RPS6KA2: variants seen among roughly 807,000 people sequenced by gnomAD.
RPS6KA2 encodes ribosomal protein S6 kinase alpha-2.
In RPS6KA2, 42 loss-of-function variants were observed where a neutral mutation model predicts 91.8. The ratio of observed to expected loss-of-function variants is 0.46; its 90% CI spans 0.36 to 0.59. The LOEUF is 0.59. Ranked by LOEUF, RPS6KA2 falls within the 20% of genes least tolerant of loss-of-function variation. The pLI is 0.00. For synonymous variants in RPS6KA2, 414 were observed against 393.6 expected (o/e 1.05, Z -0.61); for missense variants, 798 against 978.5 (o/e 0.82, Z 2.46).
intron 1 of RPS6KA2, among the ~76,000 whole-genome samples, chr6:166,569,281 G>A (rs909478869): frequency 6.6e-6 from 1 of 152,214 alleles, no homozygotes; most frequent in Non-Finnish European, 1.5e-5. Context: ...TCCATGGCGG[G>A]TTTTCTTCTG....
Position 166,855,186 on chromosome 6 carries a change from C to T in RPS6KA2, c.123+3014G>A, listed in dbSNP as rs78354262. ...AACACTGGGCTACAAAAGGTGGGAGCGTGGGAGTGGGGGCGAGGATGAAAA... is the reference window on the plus strand; with the variant it reads ...AACACTGGGCTACAAAAGGTGGGAGTGTGGGAGTGGGGGCGAGGATGAAAA... On this transcript the variant is annotated intron_variant, in intron 2 of 21. Coordinates refer to the RPS6KA2 transcript ENST00000503859. Among the ~76,000 whole-genome samples the T allele has an allele frequency of 1.6e-4, 25 of 152,140 alleles. No individual in the cohort carries two copies. The East Asian group carries it at 4.0e-3, about 25-fold the overall frequency.
intron 2 of RPS6KA2, among the ~76,000 whole-genome samples, chr6:166,690,385 TAC>T (rs1562385214): frequency 6.6e-6 from 1 of 151,974 alleles, no homozygotes; most frequent in Non-Finnish European, 1.5e-5. Flanking sequence ...AATACGGAAA[TAC>T]AGACATGTCA....
chr6:166,679,859 G>A (rs1251576807), intron 2 of RPS6KA2, among the ~76,000 whole-genome samples: 1 of 152,236 alleles, frequency 6.6e-6, no homozygotes, highest in East Asian at 1.9e-4. Context: ...CAGCGCGGTT[G>A]GCCAGCGCCT....
chr6:166,675,291 G>C (rs1788585735), intron 2 of RPS6KA2, among the ~76,000 whole-genome samples: 1 of 152,118 alleles, frequency 6.6e-6, no homozygotes, highest in South Asian at 2.1e-4. Context: ...CTTCCCAGTG[G>C]GGAAGCCCCT....
At chr6:166,416,628 C>T (rs1052406787) in intron 19 of RPS6KA2, among the ~76,000 whole-genome samples, 1 of 151,816 alleles carries the variant, frequency 6.6e-6, no homozygotes, top group African/African-American at 2.4e-5. Context: ...CCTCCACCAT[C>T]AGCTCCATCC....
chr6:166,569,832 T>A (rs894837882), intron 1 of RPS6KA2, among the ~76,000 whole-genome samples: 38 of 152,176 alleles, frequency 2.5e-4, no homozygotes, highest in African/African-American at 8.9e-4. Flanking sequence ...TGCCGATTCC[T>A]TGCAAAGCGT....
intron 1 of RPS6KA2, among the ~76,000 whole-genome samples, chr6:166,551,332 T>A (rs1355461963): frequency 1.3e-5 from 2 of 152,224 alleles, no homozygotes; most frequent in East Asian, 3.8e-4. Context: ...AACTACTTTT[T>A]CAGTTTCCTG....
chr6:166,454,190 GAAATTTACAGAAATAAA>G (rs1780010687), intron 12 of RPS6KA2, among the ~76,000 whole-genome samples: 1 of 152,178 alleles, frequency 6.6e-6, no homozygotes, highest in Non-Finnish European at 1.5e-5. Context: ...CTGTACCTCT[GAAATTTACAGAAATAAA>G]AAATAAAACA....
intron 1 of RPS6KA2, among the ~76,000 whole-genome samples, chr6:166,611,030 T>C (rs1437415585): frequency 6.6e-6 from 1 of 152,128 alleles, no homozygotes; most frequent in African/African-American, 2.4e-5. Flanking sequence ...CCTGAAAGGA[T>C]AAAAAGAATG....
At chr6:166,854,609 T>C (rs1411575981) in intron 2 of RPS6KA2, among the ~76,000 whole-genome samples, 2 of 152,358 alleles carry the variant, frequency 1.3e-5, no homozygotes, top group Middle Eastern at 3.4e-3. Context: ...AAGATGACTT[T>C]TTATCATATA....
At chr6:166,824,817 G>A (rs1309149) in intron 2 of RPS6KA2, among the ~76,000 whole-genome samples, 3,347 of 133,482 alleles carry the variant, frequency 0.025, 61 homozygotes, top group Non-Finnish European at 0.033. Context: ...ATGTGTGTCT[G>A]TGTGTGTCTG....
Position 166,666,609 on chromosome 6 carries a change from T to G in RPS6KA2, c.124-127825A>C, listed in dbSNP as rs922975252. Among the ~76,000 whole-genome samples, 1 of 152,090 alleles carries G rather than the reference T, an allele frequency of 6.6e-6. No individual in the cohort carries two copies. Among genetic ancestry groups the G allele is most frequent in the African/African-American group, 2.4e-5 (1 of 41,408 alleles). On this transcript the variant is annotated intron_variant, in intron 2 of 21. Coordinates refer to the RPS6KA2 transcript ENST00000503859. This position sits in a 1 kb window ranked among gnomAD's most constrained non-coding sequence, Gnocchi z 4.0. The stretch of plus-strand genomic sequence containing the variant: ...GTTGGGATAGCTACATCAAAACAAA[T>G]AGCATAATGAGTGTTGGCGAGGGTG...
chr6:166,833,143 A>G (rs1439388110), intron 2 of RPS6KA2, among the ~76,000 whole-genome samples: 2 of 152,228 alleles, frequency 1.3e-5, no homozygotes, highest in Non-Finnish European at 2.9e-5. Flanking sequence ...AGAAAATACA[A>G]ATATTATCCT....
chr6:166,670,064 G>A (rs896541133), intron 2 of RPS6KA2, among the ~76,000 whole-genome samples: 3 of 152,264 alleles, frequency 2.0e-5, no homozygotes, highest in Non-Finnish European at 4.4e-5. Context: ...TTGCAGGCAT[G>A]AGCCTCACAG....
At chr6:166,804,003 A>G (rs1456079202) in intron 2 of RPS6KA2, among the ~76,000 whole-genome samples, 1 of 152,222 alleles carries the variant, frequency 6.6e-6, no homozygotes, top group Non-Finnish European at 1.5e-5. Flanking sequence ...ACGAGCCTGT[A>G]AAACATTCTT....
At chr6:166,861,730 A>G (rs568295713) in intron 1 of RPS6KA2, among the ~76,000 whole-genome samples, 1 of 152,346 alleles carries the variant, frequency 6.6e-6, no homozygotes, top group African/African-American at 2.4e-5. Flanking sequence ...TAGCAAATGG[A>G]AGGCTTCTAA....
Position 166,812,982 on chromosome 6 carries a change from T to G in RPS6KA2, c.123+45218A>C, listed in dbSNP as rs890267167. Among the ~76,000 whole-genome samples the G allele has an allele frequency of 3.3e-5, 5 of 151,938 alleles. No individual in the cohort carries two copies. In the East Asian group the frequency reaches 9.7e-4, roughly 29 times the overall value. ...CAGAGTCAAAAAGGCCTCATGGGGT[T>G]TTTTCTCCAGATAACTCAATTAACC... is the stretch of plus-strand genomic sequence containing the variant. On this transcript the variant is annotated intron_variant, in intron 2 of 21. Transcript: ENST00000503859.
intron 1 of RPS6KA2, chr6:166,542,415 G>A (rs1379041017): frequency 6.6e-6 from 1 of 152,242 alleles, no homozygotes; most frequent in Non-Finnish European, 1.5e-5. Context: ...TCCATGGCAG[G>A]AGCATGTGGT....
intron 2 of RPS6KA2, among the ~76,000 whole-genome samples, chr6:166,714,197 A>G (rs1391638973): frequency 6.6e-6 from 1 of 152,246 alleles, no homozygotes; most frequent in Admixed American, 6.5e-5. Flanking sequence ...GGTGCAGGCC[A>G]GTGTTCTTTC....
Sources: gnomAD v4.1 joint callset for allele counts (sites outside exome capture counted in the v4.1 genomes callset) on GRCh38, gnomAD v4.1.1 for gene constraint, Gnocchi (gnomAD v3.1) non-coding constraint, MANE v1.5 for transcripts, NCBI Gene and HGNC (gene_info 2026-07-23, HGNC 2026-07-21) for gene names.